ACOT7: variants seen among roughly 807,000 people sequenced by gnomAD.
The protein encoded by ACOT7 is acyl-CoA thioesterase 7.
Under a neutral mutation model 40.2 loss-of-function variants are expected in ACOT7, and 12 were observed. That is an observed-to-expected ratio of 0.30 (90% confidence interval 0.19 to 0.48). ACOT7 has a LOEUF of 0.48. Among genes scored for constraint, ACOT7 ranks in the 20% least tolerant of loss-of-function variants. The probability of loss-of-function intolerance (pLI) is 0.99; values close to 1 mark genes in which losing one functional copy is unlikely to be tolerated. For synonymous variants in ACOT7, 228 were observed against 219.5 expected (o/e 1.04, Z -0.34); for missense variants, 395 against 530.8 (o/e 0.74, Z 2.51).
intron 1 of ACOT7, among the ~76,000 whole-genome samples, chr1:6,357,750 G>A (rs1641786495): frequency 6.6e-6 from 1 of 152,148 alleles, no homozygotes. Context: ...AGCCTTGAGG[G>A]ACAAAACAGG....
rs1285410830 is a variant in ACOT7, at chr1:6,282,791, C to T, written c.830-1505G>A. The T allele has an allele frequency of 2.3e-6, 3 of 1,304,174 alleles. No individual in the cohort carries two copies. The highest frequency in any genetic ancestry group is 5.5e-5 in the East Asian group (1 of 18,042). 80.8% of individuals were successfully genotyped at this position (1,304,174 alleles called of 1,614,324 possible). On this transcript the variant is annotated intron_variant, in intron 7 of 8. Transcript: ENST00000361521. This position sits in a 1 kb window ranked among gnomAD's most constrained non-coding sequence, Gnocchi z 4.5. ...GTGTGGTCAGCGCCAGCAGGCATTA[C>T]GTGAGCTGTAAGGTACAGAGTCCCA...
chr1:6,299,640 C>CAG lies in ACOT7; in HGVS notation c.713-4662_713-4661dup, dbSNP rs57181755. Among the ~76,000 whole-genome samples the CAG allele has an allele frequency of 0.16, 23,738 of 148,210 alleles. 3,426 individuals carry two copies. Among genetic ancestry groups the CAG allele is most frequent in the African/African-American group, 0.39 (15,718 of 40,706 alleles). On this transcript the variant is annotated intron_variant, in intron 6 of 8. Transcript: ENST00000361521. The surrounding 1 kb of genome is among the most constrained non-coding windows in gnomAD (Gnocchi z 4.1). ...CTGACTAGGTACTAGGTCATGGCTTCAGAGAGAGAGAGAGAGAGAGCGCAA... is the reference window on the plus strand; with the variant it reads ...CTGACTAGGTACTAGGTCATGGCTTCAGAGAGAGAGAGAGAGAGAGAGCGCAA...
intron 6 of ACOT7, among the ~76,000 whole-genome samples, chr1:6,314,732 C>G (rs939908629): frequency 6.6e-6 from 1 of 152,188 alleles, no homozygotes; most frequent in Admixed American, 6.5e-5. Flanking sequence ...AGTTTGCCCT[C>G]TTCACATGCC....
At position 6,278,745 on chromosome 1, in the gene ACOT7, CG is replaced by C. The variant is rs746566698; in HGVS notation, c.1014+2356del. Among the ~76,000 whole-genome samples the C allele has an allele frequency of 2.0e-5, 3 of 152,142 alleles. No individual in the cohort carries two copies. The East Asian group carries it at 5.8e-4, about 29-fold the overall frequency. On this transcript the variant is annotated intron_variant, in intron 8 of 8. Coordinates refer to ENST00000361521, the MANE Select transcript of ACOT7 (RefSeq NM_007274.4). The surrounding 1 kb of genome is among the most constrained non-coding windows in gnomAD (Gnocchi z 4.1). ...TTAGGACATGTCAAAGCCAAGGGTTCGGGGACCGTGTGGTGGCCGGGGAGGC... is the reference window on the plus strand; with the variant it reads ...TTAGGACATGTCAAAGCCAAGGGTTCGGGACCGTGTGGTGGCCGGGGAGGC...
At chr1:6,335,324 C>T (rs12401840) in intron 3 of ACOT7, among the ~76,000 whole-genome samples, 31,896 of 97,802 alleles carry the variant, frequency 0.33, 5,513 homozygotes, top group African/African-American at 0.57. Context: ...CAAAACTCTG[C>T]CTCAAAAAAA....
At chr1:6,336,399 C>T (rs918674665) in intron 3 of ACOT7, among the ~76,000 whole-genome samples, 2 of 148,122 alleles carry the variant, frequency 1.4e-5, no homozygotes, top group African/African-American at 2.5e-5. Flanking sequence ...TTTTCTGGAG[C>T]AATTCACAGC....
At chr1:6,345,970 C>A (rs563848651) in intron 2 of ACOT7, among the ~76,000 whole-genome samples, 1 of 152,252 alleles carries the variant, frequency 6.6e-6, no homozygotes, top group Non-Finnish European at 1.5e-5. Flanking sequence ...TATGCTCAGT[C>A]TGGAGAAACC....
intron 4 of ACOT7, among the ~76,000 whole-genome samples, chr1:6,329,219 C>T (rs1416826284): frequency 2.0e-5 from 3 of 152,226 alleles, no homozygotes; most frequent in Non-Finnish European, 4.4e-5. Context: ...CACCATTCAC[C>T]GTTCCTCGGC....
At chr1:6,313,345 T>C (rs1269387149) in intron 6 of ACOT7, among the ~76,000 whole-genome samples, 1 of 151,980 alleles carries the variant, frequency 6.6e-6, no homozygotes, top group Non-Finnish European at 1.5e-5. Flanking sequence ...GGCCAGAAAG[T>C]GGAGGGAAAA....
rs1804843 is a variant in ACOT7, at chr1:6,294,895, G to A, written c.798C>T (p.Asp266=). ...CKTNIVTASV[D]AINFHDKIRK... Reference sequence around the variant, plus strand: ...TGATCTTGTCATGAAAATTAATGGCGTCCACGGAAGCTGTGACGATGTTGG... The same window carrying A: ...TGATCTTGTCATGAAAATTAATGGCATCCACGGAAGCTGTGACGATGTTGG... The change falls in exon 7 of 9, where the codon GAC becomes GAT. Residue 266 remains aspartate (D), a synonymous_variant. Coordinates refer to ENST00000361521, the MANE Select transcript of ACOT7 (RefSeq NM_007274.4). The surrounding 1 kb of genome is among the most constrained non-coding windows in gnomAD (Gnocchi z 4.6). 4.6e-3 allele frequency: 7,409 copies of A among 1,613,984 alleles called. 284 individuals are homozygous for A. In the African/African-American group the frequency reaches 0.087, roughly 19 times the overall value.
chr1:6,327,539 GT>G (rs111368824), intron 4 of ACOT7, 126 bp from the exon 5 acceptor site: 31,549 of 730,830 alleles, frequency 0.043, 2,801 homozygotes, highest in African/African-American at 0.29. Context: ...GTTCATGTGT[GT>G]TTTAATATAA....
chr1:6,347,563 G>A lies in ACOT7; in HGVS notation c.261+2186C>T, dbSNP rs139271056. Among the ~76,000 whole-genome samples the A allele has an allele frequency of 9.5e-3, 1,440 of 152,212 alleles. 14 individuals carry two copies. Among genetic ancestry groups the A allele is most frequent in the Middle Eastern group, 0.041 (12 of 294 alleles). Reference sequence around the variant, plus strand: ...GCAGATCACTTGAAGTCAGGAGTTCGAGATCAGCCTGGCCAACACGGTGAA... The same window carrying A: ...GCAGATCACTTGAAGTCAGGAGTTCAAGATCAGCCTGGCCAACACGGTGAA... On this transcript the variant is annotated intron_variant, in intron 2 of 8. Transcript: ENST00000361521.
chr1:6,331,995 G>A (rs1405624982), intron 4 of ACOT7, among the ~76,000 whole-genome samples: 1 of 152,214 alleles, frequency 6.6e-6, no homozygotes, highest in Non-Finnish European at 1.5e-5. Context: ...GGGGCCACGG[G>A]AAGATGGAGA....
chr1:6,370,418 C>G (rs921577394), intron 1 of ACOT7, among the ~76,000 whole-genome samples: 1 of 151,506 alleles, frequency 6.6e-6, no homozygotes, highest in Non-Finnish European at 1.5e-5. Context: ...TCCATCAGAG[C>G]TCTTGGTTTA....
chr1:6,276,458 G>C (rs1571261558), intron 8 of ACOT7, among the ~76,000 whole-genome samples: 1 of 152,000 alleles, frequency 6.6e-6, no homozygotes. Flanking sequence ...GCTGCCCGGA[G>C]CGGGTGCGGC....
chr1:6,382,484 A>C (rs1180839359), intron 1 of ACOT7, among the ~76,000 whole-genome samples: 4 of 151,942 alleles, frequency 2.6e-5, no homozygotes, highest in Non-Finnish European at 5.9e-5. Flanking sequence ...AGTGAGACGT[A>C]GTGGGTGACA....
At chr1:6,342,448 C>T (rs1641303310) in intron 2 of ACOT7, among the ~76,000 whole-genome samples, 1 of 152,132 alleles carries the variant, frequency 6.6e-6, no homozygotes, top group Non-Finnish European at 1.5e-5. Flanking sequence ...CATAGCACTC[C>T]AATGTAAAAT....
chr1:6,282,678 T>C lies in ACOT7; in HGVS notation c.830-1392A>G. ...AGAGGCAAGAGCGGTTATTCCATGTTAAAAAGTATCAGAACGATCCATGCT... is the reference window on the plus strand; with the variant it reads ...AGAGGCAAGAGCGGTTATTCCATGTCAAAAAGTATCAGAACGATCCATGCT... On this transcript the variant is annotated intron_variant, in intron 7 of 8. Coordinates refer to ENST00000361521, the MANE Select transcript of ACOT7 (RefSeq NM_007274.4). This position sits in a 1 kb window ranked among gnomAD's most constrained non-coding sequence, Gnocchi z 4.5. 1 of 1,288,212 alleles carries C rather than the reference T, an allele frequency of 7.8e-7. No homozygotes were observed. Among genetic ancestry groups the C allele is most frequent in the Non-Finnish European group, 1.0e-6 (1 of 974,842 alleles). 79.8% of individuals were successfully genotyped at this position (1,288,212 alleles called of 1,614,324 possible). A position where few individuals can be genotyped will look rare whatever the true frequency, so the allele number is the denominator to read the frequency against.
chr1:6,333,013 A>C (rs1463559975), intron 4 of ACOT7, among the ~76,000 whole-genome samples: 1 of 152,158 alleles, frequency 6.6e-6, no homozygotes, highest in Non-Finnish European at 1.5e-5. Flanking sequence ...GATCAGAACC[A>C]GCTTGCAGGG....
Sources: allele counts gnomAD v4.1 joint callset (sites outside exome capture counted in the v4.1 genomes callset), GRCh38; gene constraint gnomAD v4.1.1; non-coding constraint Gnocchi (gnomAD v3.1); transcripts MANE v1.5; gene names NCBI Gene and HGNC (gene_info 2026-07-23, HGNC 2026-07-21).